Variants in TSPAN15 observed in about 807,000 individuals in gnomAD.
TSPAN15 encodes tetraspanin 15, also known as tetraspanin-15.
TSPAN15 carries 20 observed loss-of-function variants against 34.5 expected under a neutral mutation model. The observed-to-expected ratio is 0.58, with a 90% CI of 0.41 to 0.84. The LOEUF is 0.84. Among genes scored for constraint, TSPAN15 ranks in the 40% least tolerant of loss-of-function variants. The pLI is 0.00. For synonymous variants in TSPAN15, 155 were observed against 153.9 expected, an observed-to-expected ratio of 1.01 and a Z score of -0.05; for missense variants, 313 against 386.1, an observed-to-expected ratio of 0.81 and a Z score of 1.59.
the TSPAN15 span, among the ~76,000 whole-genome samples, chr10:69,535,957 A>G: frequency 6.6e-6 from 1 of 152,220 alleles, no homozygotes; most frequent in Non-Finnish European, 1.5e-5. Flanking sequence ...CCTAAAAACC[A>G]GACCCAGAGG....
the TSPAN15 span, among the ~76,000 whole-genome samples, chr10:69,546,733 C>T: frequency 1.3e-5 from 2 of 152,182 alleles, no homozygotes; most frequent in African/African-American, 4.8e-5. Context: ...TACTAAGTCT[C>T]CATCATCTCA....
chr10:69,515,443 C>T, the TSPAN15 span, among the ~76,000 whole-genome samples: 1 of 152,202 alleles, frequency 6.6e-6, no homozygotes, highest in South Asian at 2.1e-4. Context: ...CTTTCACGTC[C>T]TCCCCCACCT....
chr10:69,513,039 T>A, the TSPAN15 span, among the ~76,000 whole-genome samples: 2 of 152,220 alleles, frequency 1.3e-5, no homozygotes, highest in African/African-American at 4.8e-5. Context: ...TGCACAATTT[T>A]GTATCCCCAC....
chr10:69,476,902 G>A (rs1217759310), intron 1 of TSPAN15, among the ~76,000 whole-genome samples: 3 of 152,116 alleles, frequency 2.0e-5, no homozygotes, highest in Non-Finnish European at 4.4e-5. Flanking sequence ...GGTCCTGGAG[G>A]TGGGGCCGGT....
In TSPAN15 at chr10:69,504,459, T is replaced by C. The variant is rs1334119976; in HGVS notation, c.592T>C (p.Cys198Arg). ...TCAGACAGAAGTTGTCAACACCATG[T>C]GTGGCTACAAAACTATCGACAAGGA... ...RNTTEVVNTMCGYKTIDKERF... is the reference protein window; with the variant it reads ...RNTTEVVNTMRGYKTIDKERF... Residue 198 changes from cysteine to arginine, a missense_variant, in exon 6 of 8, where the codon TGT becomes CGT. Physicochemically the swap from Cys to Arg is radical, Grantham distance 180. Coordinates refer to ENST00000373290, the MANE Select transcript of TSPAN15 (RefSeq NM_012339.5). The C allele has an allele frequency of 3.7e-6, 6 of 1,614,020 alleles. No homozygotes were observed. The African/African-American group carries it at 5.3e-5, about 14-fold the overall frequency.
the TSPAN15 span, among the ~76,000 whole-genome samples, chr10:69,518,604 G>C: frequency 6.6e-6 from 1 of 151,958 alleles, no homozygotes; most frequent in African/African-American, 2.4e-5. Flanking sequence ...TTGTATTTTT[G>C]GTAGAGATGA....
At position 69,460,185 on chromosome 10, in the gene TSPAN15, G is replaced by A. The variant is rs879874162; in HGVS notation, c.96+8495G>A. Among the ~76,000 whole-genome samples the A allele has an allele frequency of 1.8e-3, 276 of 151,998 alleles. 2 individuals carry two copies. Among genetic ancestry groups the A allele is most frequent in the Non-Finnish European group, 1.2e-3 (81 of 67,966 alleles). On this transcript the variant is annotated intron_variant, in intron 1 of 7. Transcript: ENST00000373290. Reference sequence around the variant, plus strand: ...CCAGCCAGCTGGTCTGACCCCTAGGGTGTGCATGTGGTCTTTTCCAGAGGC... The same window carrying A: ...CCAGCCAGCTGGTCTGACCCCTAGGATGTGCATGTGGTCTTTTCCAGAGGC...
the TSPAN15 span, among the ~76,000 whole-genome samples, chr10:69,533,502 T>C: frequency 6.6e-6 from 1 of 152,088 alleles, no homozygotes; most frequent in Non-Finnish European, 1.5e-5. Context: ...CAATGGACTT[T>C]GGTGGCTTGC....
intron 1 of TSPAN15, among the ~76,000 whole-genome samples, chr10:69,478,533 T>C (rs1390778564): frequency 6.6e-6 from 1 of 152,158 alleles, no homozygotes; most frequent in Non-Finnish European, 1.5e-5. Flanking sequence ...CTGTCACTTT[T>C]GTTCAAATTC....
intron 1 of TSPAN15, among the ~76,000 whole-genome samples, chr10:69,458,969 C>T (rs762732877): frequency 6.6e-6 from 1 of 152,062 alleles, no homozygotes; most frequent in Non-Finnish European, 1.5e-5. Context: ...CACAGTGCCA[C>T]CCTGGGGTGG....
intron 1 of TSPAN15, among the ~76,000 whole-genome samples, chr10:69,480,616 ATTTG>A (rs1437076996): frequency 6.6e-6 from 1 of 152,034 alleles, no homozygotes; most frequent in African/African-American, 2.4e-5. Flanking sequence ...GGGCTCTTTT[ATTTG>A]TCCAGGTTTA....
intron 1 of TSPAN15, among the ~76,000 whole-genome samples, chr10:69,478,923 G>T (rs1203356453): frequency 6.6e-6 from 1 of 152,238 alleles, no homozygotes; most frequent in Non-Finnish European, 1.5e-5. Context: ...AATTGCAGGT[G>T]CCGTTAATAC....
chr10:69,465,968 C>T (rs1470493506), intron 1 of TSPAN15, among the ~76,000 whole-genome samples: 1 of 152,198 alleles, frequency 6.6e-6, no homozygotes, highest in African/African-American at 2.4e-5. Context: ...TGGAGTAGCA[C>T]CAGCTTCCCA....
At chr10:69,465,540 G>A (rs2133076311) in intron 1 of TSPAN15, among the ~76,000 whole-genome samples, 1 of 152,304 alleles carries the variant, frequency 6.6e-6, no homozygotes, top group East Asian at 1.9e-4. Flanking sequence ...CCCTTCTTGT[G>A]TGCCAGGCTC....
At position 69,494,815 on chromosome 10, in the gene TSPAN15, T is replaced by A. The variant is rs948081964; in HGVS notation, c.358-779T>A. The A allele has an allele frequency of 5.1e-6, 5 of 985,432 alleles. No individual in the cohort carries two copies. The African/African-American group carries it at 8.7e-5, about 17-fold the overall frequency. 61.0% of individuals were successfully genotyped at this position (985,432 alleles called of 1,614,324 possible). Reference sequence around the variant, plus strand: ...ACCTCCGTGCTCTGAAAGCTGCGATTGTTACAGTGAGCTGGGCTGCCCACG... The same window carrying A: ...ACCTCCGTGCTCTGAAAGCTGCGATAGTTACAGTGAGCTGGGCTGCCCACG... On this transcript the variant is annotated intron_variant, in intron 3 of 7. Coordinates refer to ENST00000373290, the MANE Select transcript of TSPAN15 (RefSeq NM_012339.5).
downstream of TSPAN15, among the ~76,000 whole-genome samples, chr10:69,511,966 C>T (rs1022445029): frequency 7.9e-5 from 12 of 152,050 alleles, no homozygotes; most frequent in Admixed American, 2.6e-4. Context: ...GGGAAGATAG[C>T]ATTAGAGGGA....
the TSPAN15 span, among the ~76,000 whole-genome samples, chr10:69,535,404 T>C: frequency 2.6e-5 from 4 of 152,176 alleles, no homozygotes; most frequent in African/African-American, 9.7e-5. Flanking sequence ...GCTTAACCCA[T>C]GAGTTAATAA....
At chr10:69,469,500 C>A (rs956618370) in intron 1 of TSPAN15, among the ~76,000 whole-genome samples, 1 of 152,106 alleles carries the variant, frequency 6.6e-6, no homozygotes, top group East Asian at 1.9e-4. Context: ...CCAGGTTGGC[C>A]GGAGTGCAGT....
the TSPAN15 span, among the ~76,000 whole-genome samples, chr10:69,530,950 C>G: frequency 7.0e-6 from 1 of 142,330 alleles, no homozygotes; most frequent in South Asian, 2.2e-4. Flanking sequence ...ATAATTCTGT[C>G]AATAAATGCT....
Sources: allele counts gnomAD v4.1 joint callset (sites outside exome capture counted in the v4.1 genomes callset), GRCh38; gene constraint gnomAD v4.1.1; transcripts MANE v1.5; gene names NCBI Gene and HGNC (gene_info 2026-07-23, HGNC 2026-07-21).